Variants in COL5A3 observed in about 807,000 individuals in gnomAD.
COL5A3 encodes the protein collagen alpha-3(V) chain.
A neutral mutation model predicts 250.0 loss-of-function variants in COL5A3; 172 were observed. The ratio of observed to expected loss-of-function variants is 0.69; its 90% CI spans 0.61 to 0.78. The LOEUF (loss-of-function observed/expected upper bound fraction) is 0.78, where lower values mean the gene tolerates loss of function less well. COL5A3 is among the 30% of genes least tolerant of loss of function. COL5A3 has a pLI of 0.00. For missense variants in COL5A3, 2,340 were observed against 2,334.4 expected, an observed-to-expected ratio of 1.00 and a Z score of -0.05; for synonymous variants, 937 against 900.4, an observed-to-expected ratio of 1.04 and a Z score of -0.73.
chr19:10,004,904 C>T (rs67560822), intron 4 of COL5A3, among the ~76,000 whole-genome samples: 25,491 of 152,164 alleles, frequency 0.17, 2,209 homozygotes, highest in South Asian at 0.26. Context: ...CTCAGACACA[C>T]GACACCACCA....
intron 6 of COL5A3, 98 bp downstream of exon 6, chr19:10,003,467 T>G: frequency 8.4e-7 from 1 of 1,196,380 alleles, no homozygotes. Context: ...TTAGTAGAGA[T>G]GGGAGACTAG....
intron 10 of COL5A3, 46 bp downstream of exon 10, chr19:9,997,938 A>G: frequency 6.2e-7 from 1 of 1,608,280 alleles, no homozygotes; most frequent in Non-Finnish European, 8.5e-7. Context: ...AACACCCCTC[A>G]GCTGGAAGGG....
rs1219160458 is a variant in COL5A3 at position 10,005,640 on chromosome 19, A to T, written c.512T>A (p.Val171Asp). 1 of 1,614,070 alleles carries T rather than the reference A, an allele frequency of 6.2e-7. No homozygotes were observed. The highest frequency in any genetic ancestry group is 1.1e-5 in the South Asian group (1 of 91,072). ...GATGAAGCGGGGGCCATGGCCCAAA[A>T]CAGGGGGCTGAGCTTCACAGTCAGC... is the stretch of plus-strand genomic sequence containing the variant. ...LVADCEAQPP[V>D]LGHGPRFISI... The change falls in exon 4 of 67, where the codon GTT becomes GAT. Residue 171 changes from valine to aspartate, a missense_variant. By Grantham distance (152) the Val-to-Asp change is radical. Coordinates refer to ENST00000264828, the MANE Select transcript of COL5A3 (RefSeq NM_015719.4).
At chr19:10,004,943 C>T (rs984008893) in intron 4 of COL5A3, among the ~76,000 whole-genome samples, 4 of 152,116 alleles carry the variant, frequency 2.6e-5, no homozygotes, top group African/African-American at 9.7e-5. Flanking sequence ...CAAGTAGGCG[C>T]TGTCACAATT....
At position 9,966,565 on chromosome 19, in the gene COL5A3, A is replaced by C. The variant is rs1648700311; in HGVS notation, c.4640T>G (p.Leu1547Arg). 6.5e-7 allele frequency: 1 copy of C among 1,543,418 alleles called. No individual in the cohort carries two copies. The highest frequency in any genetic ancestry group is 8.7e-7 in the Non-Finnish European group (1 of 1,147,566). Residue 1547 changes from leucine (L) to arginine (R), a missense_variant, in exon 63 of 67, where the codon CTG becomes CGG. Leu to Arg is a moderately radical substitution (Grantham distance 102). Around this residue, in one of 3 missense-constraint regions of COL5A3, gnomAD observed 1,179 missense variants for 1,162.6 expected, o/e 1.01. Coordinates refer to ENST00000264828, the MANE Select transcript of COL5A3 (RefSeq NM_015719.4). The stretch of plus-strand genomic sequence containing the variant: ...AGGCAGGTGCGGGTGGTTGCGGTGC[A>C]GCTCGTGGCACACGAGGCCCGGGCG... The part of the protein sequence containing the change: ...AERPGLVCHE[L>R]HRNHPHLPDG...
At chr19:10,001,497 C>T (rs1269996839) in intron 8 of COL5A3, 27 bp downstream of exon 8, 3 of 1,611,382 alleles carry the variant, frequency 1.9e-6, no homozygotes, top group Non-Finnish European at 2.5e-6. Context: ...CTCTCTTGCA[C>T]CTAACCCCAG....
intron 61 of COL5A3, 33 bp from the exon 62 acceptor site, chr19:9,967,433 T>G: frequency 6.8e-7 from 1 of 1,474,746 alleles, no homozygotes; most frequent in Non-Finnish European, 9.0e-7. Context: ...GAATGAACCC[T>G]GTCTATGGAG....
At chr19:9,980,501 A>G (rs556819264) in intron 35 of COL5A3, 147 bp downstream of exon 35, 23 of 1,163,452 alleles carry the variant, frequency 2.0e-5, no homozygotes, top group Admixed American at 4.3e-5. Context: ...AGGTGGGACT[A>G]CAGGCGTGCA....
intron 1 of COL5A3, among the ~76,000 whole-genome samples, 181 bp from the exon 2 acceptor site, chr19:10,006,412 C>T (rs2087444897): frequency 6.6e-6 from 1 of 152,050 alleles, no homozygotes; most frequent in Non-Finnish European, 1.5e-5. Context: ...CGCCTCCTCA[C>T]CACCCCACAG....
rs1453674866 is a variant in COL5A3, at chr19:10,003,565, C to T, written c.849G>A (p.Gln283=). ...SSPPPDSAEN[Q]TSTDIPKTET... ...AAGTGAGAGGTCTCAGGGCCCTTAC[C>T]TGGTTCTCTGCGGAGTCAGGAGGTG... The change falls in exon 6 of 67, where the codon CAG becomes CAA. Residue 283 remains glutamine (Q), a splice_region_variant and synonymous_variant. Transcript: ENST00000264828. 1.2e-6 allele frequency: 2 copies of T among 1,613,996 alleles called. No individual in the cohort carries two copies. The highest frequency in any genetic ancestry group is 1.7e-6 in the Non-Finnish European group (2 of 1,180,000).
intron 8 of COL5A3, among the ~76,000 whole-genome samples, chr19:9,998,982 C>CTCCT (rs139008590): frequency 6.6e-6 from 1 of 150,834 alleles, no homozygotes. Context: ...CCATGCTTGG[C>CTCCT]TCCTTCCTTC....
intron 31 of COL5A3, among the ~76,000 whole-genome samples, chr19:9,983,781 G>GAGGA (rs1184502610): frequency 6.6e-6 from 1 of 151,092 alleles, no homozygotes; most frequent in Non-Finnish European, 1.5e-5. Flanking sequence ...AGGAAGAAAG[G>GAGGA]AGGAAGGAAG....
intron 6 of COL5A3, 78 bp downstream of exon 6, chr19:10,003,487 A>T: frequency 7.0e-7 from 1 of 1,429,740 alleles, no homozygotes; most frequent in Non-Finnish European, 9.8e-7. Flanking sequence ...GAAGTCAAGC[A>T]CCAAGACCAG....
At position 9,978,588 on chromosome 19, in the gene COL5A3, G is replaced by A; in HGVS notation, c.3004C>T (p.Pro1002Ser). 6.3e-7 allele frequency: 1 copy of A among 1,578,448 alleles called. No homozygotes were observed. Among genetic ancestry groups the A allele is most frequent in the Admixed American group, 1.9e-5 (1 of 52,618 alleles). ...GTTATACTTACATTGGCCCCCACGG[G>A]CCCTGGGGGGCCCTTATCACCCTTT... is the stretch of plus-strand genomic sequence containing the variant. ...GLKGDKGPPG[P>S]VGANGSPGER... The change falls in exon 41 of 67, where the codon CCC becomes TCC. Residue 1002 changes from proline to serine, a missense_variant. Pro to Ser is a moderately conservative substitution (Grantham distance 74). This residue lies in a region of COL5A3 where 1,179 missense variants were observed against 1,162.6 expected (regional missense o/e 1.01). Transcript: ENST00000264828.
At chr19:9,975,325 C>T (rs1395482690) in intron 45 of COL5A3, among the ~76,000 whole-genome samples, 1 of 152,048 alleles carries the variant, frequency 6.6e-6, no homozygotes, top group African/African-American at 2.4e-5. Context: ...GGTGATCCAC[C>T]CGCCTTGGCC....
intron 9 of COL5A3, 28 bp from the exon 10 acceptor site, chr19:9,998,053 C>A (rs758551824): frequency 1.2e-6 from 2 of 1,613,806 alleles, no homozygotes; most frequent in African/African-American, 2.7e-5. Flanking sequence ...TGTCGGTGAC[C>A]GCTGTCATCA....
chr19:10,006,800 AC>A (rs1332160886), intron 1 of COL5A3, among the ~76,000 whole-genome samples: 1 of 149,264 alleles, frequency 6.7e-6, no homozygotes, highest in African/African-American at 2.5e-5. Flanking sequence ...TTTTCTGGTT[AC>A]CCCCTCTGAC....
At position 10,001,505 on chromosome 19, in the gene COL5A3, C is replaced by T. The variant is rs899175648; in HGVS notation, c.1110+19G>A. 2.8e-5 allele frequency: 45 copies of T among 1,612,404 alleles called. No homozygotes were observed. Among genetic ancestry groups the T allele is most frequent in the Non-Finnish European group, 3.7e-5 (44 of 1,179,432 alleles). On this transcript the variant is annotated intron_variant, in intron 8 of 66. Transcript: ENST00000264828. ...AATCCCACTCTCTTGCACCTAACCC[C>T]AGCCACCTAGAAACTCACAGGAAAG...
chr19:10,001,431 G>C, intron 8 of COL5A3, 93 bp downstream of exon 8: 2 of 1,290,744 alleles, frequency 1.5e-6, no homozygotes, highest in Admixed American at 4.7e-5. Context: ...ACAGGCGGGA[G>C]CCACTGCGCC....
Sources: allele counts gnomAD v4.1 joint callset (sites outside exome capture counted in the v4.1 genomes callset), GRCh38; gene constraint gnomAD v4.1.1; regional missense constraint gnomAD v4.1.1; transcripts MANE v1.5; gene names NCBI Gene and HGNC (gene_info 2026-07-23, HGNC 2026-07-21).